PKHD1: variants seen among roughly 807,000 people sequenced by gnomAD.
PKHD1 encodes the protein fibrocystin.
A neutral mutation model predicts 412.0 loss-of-function variants in PKHD1; 291 were observed. That is an observed-to-expected ratio of 0.71 (90% CI 0.64 to 0.78). The LOEUF is 0.78. Among genes scored for constraint, PKHD1 ranks in the 30% least tolerant of loss-of-function variants. The probability of loss-of-function intolerance (pLI) is 0.00; values close to 1 mark genes in which losing one functional copy is unlikely to be tolerated. For missense variants in PKHD1, 4,825 were observed against 4,950.7 expected, an observed-to-expected ratio of 0.97 and a Z score of 0.76; for synonymous variants, 1,777 against 1,821.5, an observed-to-expected ratio of 0.98 and a Z score of 0.62.
chr6:51,711,365 C>T (rs1424439245), intron 60 of PKHD1, among the ~76,000 whole-genome samples: 2 of 152,186 alleles, frequency 1.3e-5, no homozygotes, highest in Non-Finnish European at 2.9e-5. Context: ...TTGTCCCAGG[C>T]TCTGTTTTCA....
Position 51,893,497 on chromosome 6 carries a change from A to G in PKHD1, c.6997-6252T>C, listed in dbSNP as rs567283170. On this transcript the variant is annotated intron_variant, in intron 43 of 66. Transcript: ENST00000371117. ...ACAAAAGAAGCACTTTAACAGTCAGATCGCATTCCTTCCTGGCCCTTCTTA... is the reference window on the plus strand; with the variant it reads ...ACAAAAGAAGCACTTTAACAGTCAGGTCGCATTCCTTCCTGGCCCTTCTTA... Among the ~76,000 whole-genome samples, 8 of 152,340 alleles carry G rather than the reference A, an allele frequency of 5.3e-5. No individual in the cohort carries two copies. In the South Asian group the frequency reaches 1.7e-3, roughly 32 times the overall value.
chr6:51,730,226 T>C lies in PKHD1; in HGVS notation c.10156+14159A>G, dbSNP rs148962146. 4.3e-3 allele frequency among the ~76,000 whole-genome samples: 650 copies of C among 152,292 alleles called. 3 individuals are homozygous for C. The highest frequency in any genetic ancestry group is 0.015 in the African/African-American group (616 of 41,578). On this transcript the variant is annotated intron_variant, in intron 60 of 66. Transcript: ENST00000371117. Reference sequence around the variant, plus strand: ...ATTCTTTAAGAAGTTTTAATTCTTTTATATTCAAATTTTTAAATCTACCCA... The same window carrying C: ...ATTCTTTAAGAAGTTTTAATTCTTTCATATTCAAATTTTTAAATCTACCCA...
intron 63 of PKHD1, among the ~76,000 whole-genome samples, chr6:51,646,074 T>G (rs972052949): frequency 4.6e-5 from 7 of 152,224 alleles, no homozygotes; most frequent in African/African-American, 1.4e-4. Flanking sequence ...TTTTTCAGAC[T>G]GTTGTAATCT....
chr6:51,972,966 C>T (rs1034552544), intron 35 of PKHD1, among the ~76,000 whole-genome samples: 7 of 152,144 alleles, frequency 4.6e-5, no homozygotes, highest in Non-Finnish European at 1.0e-4. Flanking sequence ...GGATCAAAAC[C>T]GCATGCCACT....
chr6:51,975,020 A>T (rs1270681), intron 35 of PKHD1, among the ~76,000 whole-genome samples: 106,593 of 151,794 alleles, frequency 0.7, 37,678 homozygotes, highest in Non-Finnish European at 0.75. Flanking sequence ...CCTCCAGAAT[A>T]GTGAGAAAAT....
chr6:51,696,932 G>A (rs1778870028), intron 60 of PKHD1, among the ~76,000 whole-genome samples: 1 of 152,226 alleles, frequency 6.6e-6, no homozygotes, highest in African/African-American at 2.4e-5. Flanking sequence ...CTCATGCCTG[G>A]AATCCCAGCA....
intron 29 of PKHD1, 152 bp from the exon 30 acceptor site, chr6:52,028,503 G>T (rs1036720192): frequency 1.9e-5 from 14 of 718,838 alleles, no homozygotes; most frequent in Non-Finnish European, 3.0e-5. Context: ...AATTTTTCAA[G>T]AAACTTCTAA....
At position 51,619,223 on chromosome 6, in the gene PKHD1, C is replaced by G; in HGVS notation, c.12083G>C (p.Arg4028Thr). 1 of 1,614,280 alleles carries G rather than the reference C, an allele frequency of 6.2e-7. No individual in the cohort carries two copies. Among genetic ancestry groups the G allele is most frequent in the Non-Finnish European group, 8.5e-7 (1 of 1,180,038 alleles). Residue 4028 changes from arginine (R) to threonine (T), a missense_variant, in exon 67 of 67, where the codon AGG (arginine) becomes ACG (threonine). Transcript: ENST00000371117. ...LLLCPDFRQE[R>T]QQLPGQSRLS... Reference sequence around the variant, plus strand: ...CCGACTTTGCCCTGGCAACTGCTGCCTCTCTTGTCTGAAGTCTGGGCATAG... The same window carrying G: ...CCGACTTTGCCCTGGCAACTGCTGCGTCTCTTGTCTGAAGTCTGGGCATAG...
intron 32 of PKHD1, among the ~76,000 whole-genome samples, chr6:52,023,802 C>T (rs774363915): frequency 2.0e-5 from 3 of 152,084 alleles, no homozygotes; most frequent in Non-Finnish European, 4.4e-5. Flanking sequence ...AATAAGGAAG[C>T]TGAGTCTCAG....
At chr6:51,962,570 T>C (rs757522844) in intron 35 of PKHD1, among the ~76,000 whole-genome samples, 6 of 152,132 alleles carry the variant, frequency 3.9e-5, no homozygotes, top group Non-Finnish European at 7.4e-5. Flanking sequence ...CAAATACTGT[T>C]ATCTCTACTT....
At chr6:51,856,288 T>C (rs921044507) in intron 48 of PKHD1, among the ~76,000 whole-genome samples, 4 of 152,206 alleles carry the variant, frequency 2.6e-5, no homozygotes, top group African/African-American at 4.8e-5. Context: ...CAAATTACAA[T>C]GTCCTGGTGA....
At chr6:51,690,133 A>G (rs1253854544) in intron 60 of PKHD1, among the ~76,000 whole-genome samples, 1 of 151,866 alleles carries the variant, frequency 6.6e-6, no homozygotes, top group Non-Finnish European at 1.5e-5. Context: ...TTAGCCAGGC[A>G]TGGTGGCATG....
chr6:52,080,195 CAA>C (rs200536402), intron 4 of PKHD1, among the ~76,000 whole-genome samples, 187 bp from the exon 5 acceptor site: 1 of 151,498 alleles, frequency 6.6e-6, no homozygotes, highest in Admixed American at 6.6e-5. Context: ...GGTCCTTCAG[CAA>C]AAAAAAGTTA....
At chr6:51,881,537 C>T (rs553796286) in intron 46 of PKHD1, among the ~76,000 whole-genome samples, 1 of 152,248 alleles carries the variant, frequency 6.6e-6, no homozygotes, top group East Asian at 1.9e-4. Flanking sequence ...TATCTAAGGG[C>T]TAGCTTTTCA....
At chr6:51,730,534 T>C (rs1050033627) in intron 60 of PKHD1, among the ~76,000 whole-genome samples, 3 of 152,236 alleles carry the variant, frequency 2.0e-5, no homozygotes, top group Non-Finnish European at 4.4e-5. Context: ...TTCCGACTTT[T>C]AGAAGTTTAT....
At chr6:51,963,763 G>C (rs1000410728) in intron 35 of PKHD1, among the ~76,000 whole-genome samples, 1 of 152,050 alleles carries the variant, frequency 6.6e-6, no homozygotes, top group African/African-American at 2.4e-5. Flanking sequence ...TAAAGATTTT[G>C]TGAATATATT....
At position 51,847,815 on chromosome 6, in the gene PKHD1, G is replaced by T. The variant is rs1454044383; in HGVS notation, c.8067C>A (p.Asp2689Glu). The T allele has an allele frequency of 4.3e-6, 7 of 1,613,824 alleles. No individual in the cohort carries two copies. The highest frequency in any genetic ancestry group is 5.9e-6 in the Non-Finnish European group (7 of 1,179,854). The change falls in exon 50 of 67, where the codon GAC becomes GAA. Residue 2689 changes from aspartate (D) to glutamate (E), a missense_variant. By Grantham distance (45) the Asp-to-Glu change is conservative. Coordinates refer to ENST00000371117, the MANE Select transcript of PKHD1 (RefSeq NM_138694.4). ...GCCTCAGCTGGCTATTGAAGAACCAGTCACAGCCTTGGTTCTGACCTGGTG... is the reference window on the plus strand; with the variant it reads ...GCCTCAGCTGGCTATTGAAGAACCATTCACAGCCTTGGTTCTGACCTGGTG... ...LPSPGQNQGC[D>E]WFFNSQLRQL...
Position 51,616,135 on chromosome 6 carries a change from T to G in PKHD1, c.*2946A>C, listed in dbSNP as rs1766046228. The stretch of plus-strand genomic sequence containing the variant: ...TTTGAAATATGTATACATTGTGGAA[T>G]GGATCAGTTGAACTAATTAACATAT... On this transcript the variant is annotated 3_prime_UTR_variant, in exon 67 of 67. Coordinates refer to ENST00000371117, the MANE Select transcript of PKHD1 (RefSeq NM_138694.4). 6.6e-6 allele frequency: 1 copy of G among 152,278 alleles called. No homozygotes were observed. The highest frequency in any genetic ancestry group is 2.4e-5 in the African/African-American group (1 of 41,462). 9.4% of individuals were successfully genotyped at this position (152,278 alleles called of 1,614,324 possible). A position where few individuals can be genotyped will look rare whatever the true frequency, so the allele number is the denominator to read the frequency against.
At position 51,642,766 on chromosome 6, in the gene PKHD1, G is replaced by A. The variant is rs1769538332; in HGVS notation, c.11399-3810C>T. ...AAGACAGGAGAATCACTTGAACCCG[G>A]GAGGCAGAGGTTGCAGTGAGACAAG... On this transcript the variant is annotated intron_variant, in intron 63 of 66. Coordinates refer to ENST00000371117, the MANE Select transcript of PKHD1 (RefSeq NM_138694.4). Among the ~76,000 whole-genome samples the A allele has an allele frequency of 2.0e-5, 3 of 152,156 alleles. No individual in the cohort carries two copies. In the South Asian group the frequency reaches 6.2e-4, roughly 32 times the overall value.
Sources: allele counts gnomAD v4.1 joint callset (sites outside exome capture counted in the v4.1 genomes callset), GRCh38; gene constraint gnomAD v4.1.1; transcripts MANE v1.5; gene names NCBI Gene and HGNC (gene_info 2026-07-23, HGNC 2026-07-21).